The following TEC variants were observed in gnomAD, a reference collection of about 807,000 sequenced individuals.
TEC encodes the protein tyrosine-protein kinase Tec.
In TEC, 72 loss-of-function variants were observed where a neutral mutation model predicts 93.0. The ratio of observed to expected loss-of-function variants is 0.77; its 90% CI spans 0.64 to 0.94. TEC has a LOEUF of 0.94. Ranked by LOEUF, TEC falls within the 40% of genes least tolerant of loss-of-function variation. The probability of loss-of-function intolerance (pLI) is 0.00; values close to 1 mark genes in which losing one functional copy is unlikely to be tolerated. For synonymous variants in TEC, 249 were observed against 247.7 expected (o/e 1.01, Z -0.05); for missense variants, 630 against 757.9 (o/e 0.83, Z 1.98).
intron 1 of TEC, among the ~76,000 whole-genome samples, chr4:48,250,379 T>G (rs1470416779): frequency 6.6e-6 from 1 of 152,240 alleles, no homozygotes; most frequent in African/African-American, 2.4e-5. Context: ...ATAGATTGAT[T>G]GGAATAATGG....
At chr4:48,205,619 C>T (rs895374007) in intron 2 of TEC, among the ~76,000 whole-genome samples, 1 of 151,958 alleles carries the variant, frequency 6.6e-6, no homozygotes, top group African/African-American at 2.4e-5. Flanking sequence ...TGGTATTAGC[C>T]ATAGGGAAAG....
intron 2 of TEC, among the ~76,000 whole-genome samples, chr4:48,200,872 A>T (rs1291863220): frequency 6.6e-6 from 1 of 152,198 alleles, no homozygotes; most frequent in Non-Finnish European, 1.5e-5. Flanking sequence ...AGGATCCAGG[A>T]TCCCTGGATT....
chr4:48,150,809 A>C, intron 10 of TEC, 54 bp downstream of exon 10: 1 of 1,297,176 alleles, frequency 7.7e-7, no homozygotes, highest in African/African-American at 1.5e-5. Flanking sequence ...TAAACTACAT[A>C]GGAAGTTCAT....
At chr4:48,252,295 G>C (rs1577672317) in intron 1 of TEC, among the ~76,000 whole-genome samples, 2 of 152,230 alleles carry the variant, frequency 1.3e-5, no homozygotes. Context: ...TAGTGGTAGT[G>C]GTGGTGGTGC....
At chr4:48,137,561 T>C (rs2109497700) in intron 17 of TEC, 62 bp from the exon 18 acceptor site, 1 of 1,345,106 alleles carries the variant, frequency 7.4e-7, no homozygotes, top group African/African-American at 1.4e-5. Flanking sequence ...AACCTCTCAC[T>C]GCTCCAACTC....
intron 2 of TEC, among the ~76,000 whole-genome samples, chr4:48,193,798 T>C (rs1391513554): frequency 6.6e-6 from 1 of 151,418 alleles, no homozygotes; most frequent in African/African-American, 2.4e-5. Flanking sequence ...AATGATACTT[T>C]ATATCTTTAT....
At chr4:48,165,691 A>C (rs1391378643) in intron 7 of TEC, among the ~76,000 whole-genome samples, 2 of 152,224 alleles carry the variant, frequency 1.3e-5, no homozygotes, top group Non-Finnish European at 2.9e-5. Flanking sequence ...ACACCACAAG[A>C]AAACAATCTG....
At chr4:48,179,353 TATATATATATATATATATATATA>T (rs1432398876) in intron 2 of TEC, among the ~76,000 whole-genome samples, 123 of 29,834 alleles carry the variant, frequency 4.1e-3, no homozygotes, top group South Asian at 0.018. Flanking sequence ...TATATATATA[TATATATATATATATATATATATA>T]TTTTTTTTTT....
At chr4:48,212,110 A>AAAAAAAAAT in intron 2 of TEC, among the ~76,000 whole-genome samples, 4 of 122,248 alleles carry the variant, frequency 3.3e-5, no homozygotes, top group Non-Finnish European at 6.7e-5. Context: ...AAAAAAAAAA[A>AAAAAAAAAT]ATATATATAT....
At chr4:48,249,667 C>T (rs1487142157) in intron 1 of TEC, among the ~76,000 whole-genome samples, 3 of 152,162 alleles carry the variant, frequency 2.0e-5, no homozygotes, top group African/African-American at 7.2e-5. Context: ...TGATTTAAGC[C>T]CTGCTTCTTG....
At chr4:48,206,917 C>T (rs993856007) in intron 2 of TEC, among the ~76,000 whole-genome samples, 1 of 152,000 alleles carries the variant, frequency 6.6e-6, no homozygotes, top group African/African-American at 2.4e-5. Context: ...CATAATCACA[C>T]CACTGCTCTC....
chr4:48,158,438 G>C (rs561980943), intron 8 of TEC, among the ~76,000 whole-genome samples: 1 of 152,252 alleles, frequency 6.6e-6, no homozygotes, highest in African/African-American at 2.4e-5. Context: ...ATTTCTGAAT[G>C]CAATTAAGAA....
intron 5 of TEC, among the ~76,000 whole-genome samples, chr4:48,169,456 C>G (rs1721012751): frequency 6.6e-6 from 1 of 151,860 alleles, no homozygotes; most frequent in Non-Finnish European, 1.5e-5. Context: ...TGAGGATATC[C>G]CAAGAGAATC....
At chr4:48,224,951 T>G (rs995222539) in intron 2 of TEC, among the ~76,000 whole-genome samples, 1 of 152,138 alleles carries the variant, frequency 6.6e-6, no homozygotes, top group African/African-American at 2.4e-5. Context: ...AAAGAAACCA[T>G]AAATCATAGT....
chr4:48,269,064 G>C (rs1724713289), intron 1 of TEC, among the ~76,000 whole-genome samples: 2 of 136,400 alleles, frequency 1.5e-5, no homozygotes, highest in Admixed American at 7.5e-5. Context: ...CCGGGCACCT[G>C]TTTTCAATAT....
At chr4:48,260,853 A>T (rs1275901535) in intron 1 of TEC, among the ~76,000 whole-genome samples, 1 of 152,234 alleles carries the variant, frequency 6.6e-6, no homozygotes, top group East Asian at 1.9e-4. Context: ...TCAGCTGGTA[A>T]TAGAGATGAC....
intron 9 of TEC, among the ~76,000 whole-genome samples, chr4:48,151,968 T>C (rs549231905): frequency 6.6e-6 from 1 of 152,280 alleles, no homozygotes; most frequent in East Asian, 1.9e-4. Context: ...ACCATCAATC[T>C]CTAGTATTTA....
intron 1 of TEC, among the ~76,000 whole-genome samples, chr4:48,238,751 T>C (rs1041383557): frequency 6.6e-6 from 1 of 151,312 alleles, no homozygotes; most frequent in Non-Finnish European, 1.5e-5. Flanking sequence ...TTCTTTGCAG[T>C]AAAGTGTGGC....
In TEC at chr4:48,137,648, T is replaced by C. The variant is rs1042307446; in HGVS notation, c.1813-149A>G. 1.4e-4 allele frequency: 93 copies of C among 646,102 alleles called. 2 individuals are homozygous for C. The highest frequency in any genetic ancestry group is 1.1e-3 in the South Asian group (55 of 51,532). The allele number at this position is 646,102 out of a possible 1,614,324, so 40.0% of individuals were successfully genotyped here. Reference sequence around the variant, plus strand: ...CAGGCATCTCCAAAGGGGTCTTGTCTCTACCCTAATTTACCCTGCATGTAC... The same window carrying C: ...CAGGCATCTCCAAAGGGGTCTTGTCCCTACCCTAATTTACCCTGCATGTAC... On this transcript the variant is annotated intron_variant, in intron 17 of 17. Coordinates refer to ENST00000381501, the MANE Select transcript of TEC (RefSeq NM_003215.3).
Sources: allele counts gnomAD v4.1 joint callset (sites outside exome capture counted in the v4.1 genomes callset), GRCh38; gene constraint gnomAD v4.1.1; transcripts MANE v1.5; gene names NCBI Gene and HGNC (gene_info 2026-07-23, HGNC 2026-07-21).